The following ACYP2 variants were observed in gnomAD, a reference collection of about 807,000 sequenced individuals.
The protein encoded by ACYP2 is acylphosphatase 2.
ACYP2 carries 12 observed loss-of-function variants against 11.2 expected under a neutral mutation model. That is an observed-to-expected ratio of 1.08 (90% CI 0.69 to 1.74). The LOEUF (loss-of-function observed/expected upper bound fraction) is 1.74, where lower values mean the gene tolerates loss of function less well. Ranked by LOEUF, ACYP2 falls within the 40% of genes most tolerant of loss-of-function variation. The pLI is 0.00. For missense variants in ACYP2, 134 were observed against 101.9 expected, an observed-to-expected ratio of 1.31 and a Z score of -1.35; for synonymous variants, 43 against 32.2, an observed-to-expected ratio of 1.33 and a Z score of -1.13.
chr2:54,203,966 T>G (rs1211980541), intron 6 of ACYP2, among the ~76,000 whole-genome samples: 1 of 152,194 alleles, frequency 6.6e-6, no homozygotes, highest in Non-Finnish European at 1.5e-5. Context: ...TAAACTGTCT[T>G]AAAACATTAT....
intron 4 of ACYP2, among the ~76,000 whole-genome samples, chr2:54,078,424 C>CATATATAT (rs55705974): frequency 7.2e-6 from 1 of 139,026 alleles, no homozygotes; most frequent in East Asian, 2.1e-4. Flanking sequence ...ATATGGTACG[C>CATATATAT]ATATATATAT....
At chr2:54,056,544 A>T (rs1676163221) in intron 3 of ACYP2, among the ~76,000 whole-genome samples, 1 of 152,216 alleles carries the variant, frequency 6.6e-6, no homozygotes, top group African/African-American at 2.4e-5. Flanking sequence ...TAAGTATCAA[A>T]TGGAACCTCT....
intron 6 of ACYP2, among the ~76,000 whole-genome samples, chr2:54,152,604 C>T (rs1395382576): frequency 6.6e-6 from 1 of 152,164 alleles, no homozygotes; most frequent in Non-Finnish European, 1.5e-5. Context: ...TACTGTCTCC[C>T]TAGTTTTGCT....
intron 6 of ACYP2, chr2:54,255,495 A>G: frequency 6.2e-7 from 1 of 1,613,794 alleles, no homozygotes; most frequent in Non-Finnish European, 8.5e-7. Context: ...GCGCCCTGTC[A>G]GCCTCTGCAT....
chr2:54,148,928 G>A (rs1682022421), intron 6 of ACYP2, among the ~76,000 whole-genome samples: 1 of 152,132 alleles, frequency 6.6e-6, no homozygotes, highest in African/African-American at 2.4e-5. Context: ...CAAGAGTAAT[G>A]GCAAAAACCG....
intron 4 of ACYP2, among the ~76,000 whole-genome samples, chr2:54,074,481 G>A (rs1315188030): frequency 6.6e-6 from 1 of 151,972 alleles, no homozygotes; most frequent in Non-Finnish European, 1.5e-5. Flanking sequence ...TGTGGTGATG[G>A]TTGCACAACT....
intron 6 of ACYP2, among the ~76,000 whole-genome samples, chr2:54,195,293 A>G (rs868214142): frequency 6.6e-6 from 1 of 152,162 alleles, no homozygotes; most frequent in African/African-American, 2.4e-5. Flanking sequence ...TCAGATCCTT[A>G]AACTTCTTTG....
At chr2:54,256,773 C>T (rs985962592) in intron 6 of ACYP2, among the ~76,000 whole-genome samples, 4 of 152,188 alleles carry the variant, frequency 2.6e-5, no homozygotes, top group African/African-American at 9.6e-5. Flanking sequence ...TCCCAAGTAG[C>T]CGGGATTACA....
chr2:53,986,380 A>G (rs1482625330), intron 2 of ACYP2, among the ~76,000 whole-genome samples: 1 of 151,322 alleles, frequency 6.6e-6, no homozygotes, highest in African/African-American at 2.4e-5. Flanking sequence ...TCTGTTGCCA[A>G]GGCTGGAGTG....
chr2:54,083,084 AG>A (rs1438305792), intron 4 of ACYP2, among the ~76,000 whole-genome samples: 21 of 128,442 alleles, frequency 1.6e-4, no homozygotes, highest in African/African-American at 6.8e-4. Flanking sequence ...AAAAAAAAAA[AG>A]AAAAAAAAAA....
At chr2:54,289,520 ATTTTG>A (rs1237729888) in intron 6 of ACYP2, among the ~76,000 whole-genome samples, 2 of 151,946 alleles carry the variant, frequency 1.3e-5, no homozygotes, top group Non-Finnish European at 2.9e-5. Flanking sequence ...CTCACCTTCT[ATTTTG>A]TTCTATATTT....
intron 3 of ACYP2, among the ~76,000 whole-genome samples, chr2:54,052,112 A>G (rs1223707765): frequency 6.6e-6 from 1 of 151,810 alleles, no homozygotes; most frequent in African/African-American, 2.4e-5. Context: ...GAAGAGGATG[A>G]GGAGAAGGAG....
intron 6 of ACYP2, among the ~76,000 whole-genome samples, chr2:54,143,929 A>G (rs1243711603): frequency 6.6e-6 from 1 of 152,024 alleles, no homozygotes; most frequent in African/African-American, 2.4e-5. Context: ...TGCCTTCTCA[A>G]TGTTGACCTT....
intron 6 of ACYP2, among the ~76,000 whole-genome samples, chr2:54,227,002 G>A (rs948932331): frequency 2.0e-5 from 3 of 152,104 alleles, no homozygotes. Context: ...ATGGAATTGG[G>A]TAAGAACTTG....
intron 6 of ACYP2, among the ~76,000 whole-genome samples, chr2:54,269,930 G>C (rs1688208317): frequency 6.6e-6 from 1 of 152,058 alleles, no homozygotes; most frequent in African/African-American, 2.4e-5. Context: ...AGTCTGTTGA[G>C]TTGATGCACT....
chr2:54,115,420 G>A (rs1381131191), intron 4 of ACYP2, 195 bp from the exon 1 acceptor site: 14 of 677,944 alleles, frequency 2.1e-5, no homozygotes, highest in Non-Finnish European at 3.0e-5. Context: ...GGTAGGGAGC[G>A]CTGTGGAGAC....
At chr2:54,135,987 T>A (rs535436107) in intron 5 of ACYP2, among the ~76,000 whole-genome samples, 73 of 152,356 alleles carry the variant, frequency 4.8e-4, no homozygotes, top group Admixed American at 7.8e-4. Flanking sequence ...AGCCTCCGCC[T>A]TCCAGGCTCA....
chr2:54,231,744 CAT>C (rs1199535284), intron 6 of ACYP2, among the ~76,000 whole-genome samples: 3 of 152,168 alleles, frequency 2.0e-5, no homozygotes, highest in African/African-American at 7.2e-5. Flanking sequence ...AAGAGAGCGA[CAT>C]AATTCTAAAT....
intron 6 of ACYP2, among the ~76,000 whole-genome samples, chr2:54,155,405 C>G (rs560818064): frequency 1.8e-4 from 27 of 151,816 alleles, no homozygotes; most frequent in African/African-American, 6.5e-4. Flanking sequence ...TTATTCTTTT[C>G]TGATAGACTG....
Sources: allele counts gnomAD v4.1 joint callset (sites outside exome capture counted in the v4.1 genomes callset), GRCh38; gene constraint gnomAD v4.1.1; transcripts MANE v1.5; gene names NCBI Gene and HGNC (gene_info 2026-07-23, HGNC 2026-07-21).